The following GNB1L variants were observed in gnomAD, a reference collection of about 807,000 sequenced individuals.
GNB1L encodes G protein subunit beta 1 like.
GNB1L carries 20 observed loss-of-function variants against 29.1 expected under a neutral mutation model. The observed-to-expected ratio is 0.69, with a 90% CI of 0.48 to 1.00. GNB1L has a LOEUF of 1.00. Ranked by LOEUF, GNB1L falls within the 50% of genes least tolerant of loss-of-function variation. The pLI is 0.00. For synonymous variants in GNB1L, 193 were observed against 206.5 expected (o/e 0.93, Z 0.56); for missense variants, 421 against 464.9 (o/e 0.91, Z 0.87).
intron 7 of GNB1L, among the ~76,000 whole-genome samples, chr22:19,797,177 A>G (rs1185733877): frequency 1.3e-5 from 2 of 152,170 alleles, no homozygotes; most frequent in East Asian, 1.9e-4. Flanking sequence ...CCACCGCCCA[A>G]ATGTGTCCAT....
intron 2 of GNB1L, among the ~76,000 whole-genome samples, chr22:19,829,328 A>C (rs1234456072): frequency 6.6e-6 from 1 of 152,228 alleles, no homozygotes; most frequent in African/African-American, 2.4e-5. Flanking sequence ...GTCACAAAGA[A>C]ATATCAGTAA....
chr22:19,825,067 C>T (rs894237660), intron 2 of GNB1L, among the ~76,000 whole-genome samples: 1 of 152,230 alleles, frequency 6.6e-6, no homozygotes, highest in Admixed American at 6.5e-5. Context: ...CCCTGCCCAC[C>T]CCAGCCCACC....
At chr22:19,831,377 A>C (rs1373525607) in intron 2 of GNB1L, among the ~76,000 whole-genome samples, 6 of 151,206 alleles carry the variant, frequency 4.0e-5, no homozygotes, top group African/African-American at 1.2e-4. Flanking sequence ...AAAAAAAAAA[A>C]ACAATAAAAT....
intron 2 of GNB1L, chr22:19,850,945 A>G: frequency 7.3e-7 from 1 of 1,372,242 alleles, no homozygotes; most frequent in East Asian, 2.6e-5. Context: ...TGCAGCAGAG[A>G]GCCAGCAGCA....
chr22:19,846,787 C>A (rs576724385), intron 2 of GNB1L: 11 of 448,790 alleles, frequency 2.5e-5, no homozygotes, highest in African/African-American at 4.3e-5. Flanking sequence ...GGCCAAGGAG[C>A]GAGGCCTCAG....
intron 4 of GNB1L, among the ~76,000 whole-genome samples, chr22:19,818,500 C>G (rs1228824790): frequency 6.6e-6 from 1 of 152,230 alleles, no homozygotes; most frequent in African/African-American, 2.4e-5. Context: ...TGCAAGCACA[C>G]AGGCTCAGGG....
At chr22:19,812,472 C>T (rs1243815937) in intron 4 of GNB1L, 25 bp from the exon 5 acceptor site, 5 of 1,598,428 alleles carry the variant, frequency 3.1e-6, no homozygotes, top group Non-Finnish European at 4.3e-6. Context: ...GGAGACAGGC[C>T]TGAGACTCCC....
intron 2 of GNB1L, among the ~76,000 whole-genome samples, chr22:19,845,312 G>T (rs1035587746): frequency 2.0e-5 from 3 of 152,240 alleles, no homozygotes; most frequent in African/African-American, 7.2e-5. Flanking sequence ...GCTCTGCCCT[G>T]TGGGTGCTGC....
intron 2 of GNB1L, among the ~76,000 whole-genome samples, chr22:19,840,907 G>A (rs757642400): frequency 2.0e-5 from 3 of 152,118 alleles, no homozygotes; most frequent in Non-Finnish European, 2.9e-5. Context: ...CAGTCTAATC[G>A]TGAGAAGAAC....
At chr22:19,852,373 C>A in intron 2 of GNB1L, 15 of 1,170,910 alleles carry the variant, frequency 1.3e-5, no homozygotes, top group Non-Finnish European at 1.8e-5. Flanking sequence ...CAGGGCGTGG[C>A]AGACCCGCAC....
chr22:19,799,583 A>G (rs1937345186), intron 7 of GNB1L, among the ~76,000 whole-genome samples: 3 of 152,010 alleles, frequency 2.0e-5, no homozygotes, highest in African/African-American at 7.3e-5. Context: ...TGCTCCAGGA[A>G]CCTCATTCGC....
intron 2 of GNB1L, among the ~76,000 whole-genome samples, chr22:19,836,287 AAC>A (rs1296551348): frequency 6.6e-6 from 1 of 152,218 alleles, no homozygotes; most frequent in Non-Finnish European, 1.5e-5. Context: ...AAGCTAAATA[AAC>A]CTAGCTGAAA....
chr22:19,850,691 G>A (rs1305097198), intron 2 of GNB1L: 6 of 1,231,816 alleles, frequency 4.9e-6, no homozygotes, highest in African/African-American at 4.7e-5. Context: ...AGAAGTCACA[G>A]GGAGCAGAGA....
At chr22:19,823,639 G>A (rs943852483) in intron 2 of GNB1L, among the ~76,000 whole-genome samples, 1 of 152,156 alleles carries the variant, frequency 6.6e-6, no homozygotes, top group Non-Finnish European at 1.5e-5. Context: ...GAGCCTGACA[G>A]GTCACCTCTA....
intron 4 of GNB1L, among the ~76,000 whole-genome samples, chr22:19,819,868 A>G (rs552788519): frequency 1.3e-5 from 2 of 152,282 alleles, no homozygotes; most frequent in African/African-American, 2.4e-5. Flanking sequence ...CGCCCACTTC[A>G]GAAACGCAGA....
At chr22:19,789,469 C>T (rs887640850) in intron 7 of GNB1L, among the ~76,000 whole-genome samples, 2 of 151,742 alleles carry the variant, frequency 1.3e-5, no homozygotes, top group East Asian at 1.9e-4. Context: ...GGGCTGGGAG[C>T]GCTGCCAAGA....
At chr22:19,852,905 G>C (rs1239343232) in intron 2 of GNB1L, among the ~76,000 whole-genome samples, 1 of 152,128 alleles carries the variant, frequency 6.6e-6, no homozygotes, top group Non-Finnish European at 1.5e-5. Context: ...TGGCTGGAGA[G>C]ACCAGAGGCT....
Position 19,792,333 on chromosome 22 carries a change from C to A in GNB1L, c.733-3373G>T. 8.9e-6 allele frequency: 9 copies of A among 1,010,044 alleles called. No individual in the cohort carries two copies. The South Asian group carries it at 1.2e-4, about 13-fold the overall frequency. The allele number at this position is 1,010,044 out of a possible 1,614,324, so 62.6% of individuals were successfully genotyped here. On this transcript the variant is annotated intron_variant, in intron 7 of 7. Coordinates refer to ENST00000329517, the MANE Select transcript of GNB1L (RefSeq NM_053004.3). ...GAAGGCCAAGGGAAAGAAGGTGGCT[C>A]TGGCCCCTGCTGTCATGAAGAAGCA...
chr22:19,833,923 A>AT (rs1286021454), intron 2 of GNB1L, among the ~76,000 whole-genome samples: 1 of 150,712 alleles, frequency 6.6e-6, no homozygotes, highest in Non-Finnish European at 1.5e-5. Context: ...AAAATAAAAG[A>AT]TTGAGTAAGT....
Sources: gnomAD v4.1 joint callset for allele counts (sites outside exome capture counted in the v4.1 genomes callset) on GRCh38, gnomAD v4.1.1 for gene constraint, MANE v1.5 for transcripts, NCBI Gene and HGNC (gene_info 2026-07-23, HGNC 2026-07-21) for gene names.